The following CYP2A6 variants were observed in gnomAD, a reference collection of about 807,000 sequenced individuals.
CYP2A6 encodes the protein cytochrome P450 2A6.
Under a neutral mutation model 42.3 loss-of-function variants are expected in CYP2A6, and 27 were observed. The observed-to-expected ratio is 0.64, with a 90% CI of 0.47 to 0.88. The LOEUF (loss-of-function observed/expected upper bound fraction) is 0.88. CYP2A6 is among the 40% of genes least tolerant of loss of function. CYP2A6 has a pLI of 0.00. For missense variants in CYP2A6, 628 were observed against 646.0 expected (o/e 0.97, Z 0.30); for synonymous variants, 238 against 246.3 (o/e 0.97, Z 0.31).
chr19:40,850,176 C>A, intron 1 of CYP2A6, 71 bp downstream of exon 1: 1 of 1,569,254 alleles, frequency 6.4e-7, no homozygotes, highest in Non-Finnish European at 8.6e-7. Context: ...ACTGGTCAAC[C>A]CCCTGCCACA....
chr19:40,848,615 G>A lies in CYP2A6; in HGVS notation c.492C>T (p.Gly164=). 6.2e-7 allele frequency: 1 copy of A among 1,611,064 alleles called. No homozygotes were observed. Among genetic ancestry groups the A allele is most frequent in the Non-Finnish European group, 8.5e-7 (1 of 1,179,388 alleles). Residue 164 remains glycine (G), a splice_region_variant and synonymous_variant, in exon 3 of 9, where the codon GGC becomes GGT. Coordinates refer to ENST00000301141, the MANE Select transcript of CYP2A6 (RefSeq NM_000762.6). The part of the protein sequence containing the change: ...GFLIDALRGT[G]GANIDPTFFL... ...CCGCACTCGGGGTCCCCTGCTCACC[G>A]CCAGTGCCCCGGAGGGCGTCGATGA...
intron 7 of CYP2A6, chr19:40,845,022 CA>C: frequency 1.5e-6 from 1 of 653,420 alleles, no homozygotes; most frequent in Non-Finnish European, 2.6e-6. Flanking sequence ...GTCCCTATGA[CA>C]AAAGGCCGAA....
At chr19:40,848,538 C>G in intron 3 of CYP2A6, 76 bp downstream of exon 3, 1 of 1,591,334 alleles carries the variant, frequency 6.3e-7, no homozygotes, top group Non-Finnish European at 8.6e-7. Flanking sequence ...TCCCCATCCC[C>G]AGGCAGAACG....
rs72549441 is a variant in CYP2A6, at chr19:40,847,112, G to A, written c.655-61C>T. 8.5e-4 allele frequency: 1,342 copies of A among 1,574,916 alleles called. 28 individuals are homozygous for A. In the African/African-American group the frequency reaches 0.015, roughly 18 times the overall value. On this transcript the variant is annotated intron_variant, in intron 4 of 8. Coordinates refer to ENST00000301141, the MANE Select transcript of CYP2A6 (RefSeq NM_000762.6). ...AGCTGTCACGGGGCAGGAGCTGATG[G>A]GAATGGGATTTGTTTCATAGCAAGG...
chr19:40,846,773 AG>A, intron 5 of CYP2A6, 101 bp downstream of exon 5: 6 of 1,488,084 alleles, frequency 4.0e-6, no homozygotes, highest in Non-Finnish European at 5.4e-6. Flanking sequence ...TATTATGATG[AG>A]GGTTAATTTG....
chr19:40,850,303 A>G lies in CYP2A6; in HGVS notation c.124T>C (p.Phe42Leu). The stretch of plus-strand genomic sequence containing the variant: ...TTCAGCTGCAGGTAGTTTCCAATGA[A>G]GGGCAATGGGGTGGGTCCCGGAGGC... ...KLPPGPTPLPFIGNYLQLNTE... is the reference protein window; with the variant it reads ...KLPPGPTPLPLIGNYLQLNTE... Residue 42 changes from phenylalanine to leucine, a missense_variant, in exon 1 of 9, where the codon TTC becomes CTC. By Grantham distance (22) the Phe-to-Leu change is conservative. This residue lies in a region of CYP2A6 where 606 missense variants were observed against 568.1 expected (regional missense o/e 1.07). Coordinates refer to ENST00000301141, the MANE Select transcript of CYP2A6 (RefSeq NM_000762.6). 6.2e-7 allele frequency: 1 copy of G among 1,610,098 alleles called. No homozygotes were observed. The highest frequency in any genetic ancestry group is 1.1e-5 in the South Asian group (1 of 90,788).
intron 5 of CYP2A6, among the ~76,000 whole-genome samples, chr19:40,846,467 C>T (rs539876412): frequency 6.6e-5 from 10 of 151,380 alleles, no homozygotes; most frequent in South Asian, 2.1e-4. Context: ...ACTGCACATG[C>T]GCATGACCAT....
chr19:40,850,167 C>G, intron 1 of CYP2A6, 80 bp downstream of exon 1: 1 of 1,561,084 alleles, frequency 6.4e-7, no homozygotes, highest in Non-Finnish European at 8.7e-7. Context: ...CTGGTCCACA[C>G]TGGTCAACCC....
intron 2 of CYP2A6, among the ~76,000 whole-genome samples, 177 bp from the exon 3 acceptor site, chr19:40,848,940 TAGAGAGAGAGAG>T (rs67032351): frequency 8.5e-4 from 56 of 66,158 alleles, no homozygotes; most frequent in African/African-American, 2.0e-3. Context: ...GATGTCGAGG[TAGAGAGAGAGAG>T]AGAGAGAGAG....
intron 8 of CYP2A6, 65 bp downstream of exon 8, chr19:40,844,566 G>C: frequency 6.2e-7 from 1 of 1,609,592 alleles, no homozygotes. Flanking sequence ...GCAGAGAGGG[G>C]AGGAGGGTGA....
Position 40,848,209 on chromosome 19 carries a change from AGCCAGTTACCT to A in CYP2A6, c.653_654+9del. 1 of 1,611,340 alleles carries A rather than the reference AGCCAGTTACCT, an allele frequency of 6.2e-7. No homozygotes were observed. On this transcript the variant is annotated splice_donor_variant and splice_donor_5th_base_variant and coding_sequence_variant and intron_variant, in exon 4 of 9. Coordinates refer to ENST00000301141, the MANE Select transcript of CYP2A6 (RefSeq NM_000762.6). LOFTEE classifies it high-confidence loss of function. ...GTAGGGGCGTCACGGGCCGGGCTGC[AGCCAGTTACCT>A]GCCCCGTGGAGGTTGACGTGAACTG...
intron 3 of CYP2A6, 88 bp downstream of exon 3, chr19:40,848,526 A>C (rs1599779560): frequency 1.3e-6 from 2 of 1,587,086 alleles, no homozygotes; most frequent in Non-Finnish European, 1.7e-6. Flanking sequence ...TTCCCCACCT[A>C]GTCCCCATCC....
chr19:40,850,210 C>T (rs1469979866), intron 1 of CYP2A6, 37 bp downstream of exon 1: 7 of 1,591,264 alleles, frequency 4.4e-6, no homozygotes, highest in East Asian at 4.6e-5. Flanking sequence ...CTAGGCAGCC[C>T]CCACCCCGTG....
At position 40,848,285 on chromosome 19, in the gene CYP2A6, T is replaced by G. The variant is rs1198167320; in HGVS notation, c.588A>C (p.Lys196Asn). The G allele has an allele frequency of 3.7e-6, 6 of 1,609,898 alleles. No homozygotes were observed. Among genetic ancestry groups the G allele is most frequent in the Admixed American group, 3.3e-5 (2 of 59,900 alleles). Residue 196 changes from lysine (K) to asparagine (N), a missense_variant, in exon 4 of 9, where the codon AAA becomes AAC. Physicochemically the swap from Lys to Asn is moderately conservative, Grantham distance 94. Around this residue, in one of 2 missense-constraint regions of CYP2A6, gnomAD observed 606 missense variants for 568.1 expected, o/e 1.07. Transcript: ENST00000301141. Reference sequence around the variant, plus strand: ...TCATGCGCAACAGTGACAGGAACTCTTTGTCCTTATAGTCAAAGCGGTCCC... The same window carrying G: ...TCATGCGCAACAGTGACAGGAACTCGTTGTCCTTATAGTCAAAGCGGTCCC... ...VFGDRFDYKD[K>N]EFLSLLRMML... is the part of the protein sequence containing the mutation.
rs750403699 is a variant in CYP2A6 at position 40,846,919 on chromosome 19, A to C, written c.787T>G (p.Ser263Ala). Reference sequence around the variant, plus strand: ...AAGGAGTCAATGAAGTCCCGTGGGGAATTGGGATCCAGCGTGCGCTGGTTG... The same window carrying C: ...AAGGAGTCAATGAAGTCCCGTGGGGCATTGGGATCCAGCGTGCGCTGGTTG... ...EHNQRTLDPN[S>A]PRDFIDSFLI... The change falls in exon 5 of 9, where the codon TCC becomes GCC. Residue 263 changes from serine to alanine, a missense_variant. Coordinates refer to ENST00000301141, the MANE Select transcript of CYP2A6 (RefSeq NM_000762.6). The C allele has an allele frequency of 6.2e-7, 1 of 1,611,886 alleles. No individual in the cohort carries two copies. Among genetic ancestry groups the C allele is most frequent in the Non-Finnish European group, 8.5e-7 (1 of 1,179,914 alleles).
chr19:40,845,204 G>T (rs2083449742), intron 7 of CYP2A6, 90 bp downstream of exon 7: 1 of 1,536,338 alleles, frequency 6.5e-7, no homozygotes, highest in African/African-American at 1.4e-5. Flanking sequence ...GTGGGACAGG[G>T]TCTAGAAAGC....
intron 5 of CYP2A6, 78 bp from the exon 6 acceptor site, chr19:40,846,175 A>G: frequency 3.2e-6 from 5 of 1,572,528 alleles, no homozygotes; most frequent in South Asian, 2.3e-5. Context: ...CTTTGGATCT[A>G]CCTCTCTTTG....
rs1286643557 is a variant in CYP2A6 at position 40,849,043 on chromosome 19, GAGGAGAGA to G, written c.344-288_344-281del. 1.4e-3 allele frequency among the ~76,000 whole-genome samples: 45 copies of G among 32,036 alleles called. 4 individuals carry two copies. Among genetic ancestry groups the G allele is most frequent in the East Asian group, 0.014 (11 of 812 alleles). 21.0% of individuals were successfully genotyped at this position (32,036 alleles called of 152,430 possible). On this transcript the variant is annotated intron_variant, in intron 2 of 8. Coordinates refer to ENST00000301141, the MANE Select transcript of CYP2A6 (RefSeq NM_000762.6). ...AGAGGAGAGAGAGAGAGAAGAGAGAGAGGAGAGAGAGAGAGAGAGAGAGAGAGAGAGAG... is the reference window on the plus strand; with the variant it reads ...AGAGGAGAGAGAGAGAGAAGAGAGAGGAGAGAGAGAGAGAGAGAGAGAGAG...
chr19:40,846,850 C>G (rs772402424), intron 5 of CYP2A6, 25 bp downstream of exon 5: 12 of 1,609,664 alleles, frequency 7.5e-6, no homozygotes, highest in Non-Finnish European at 7.6e-6. Flanking sequence ...CTTTGCATCT[C>G]CCCGCAGTGG....
Sources: gnomAD v4.1 joint callset for allele counts (sites outside exome capture counted in the v4.1 genomes callset) on GRCh38, gnomAD v4.1.1 for gene constraint, gnomAD v4.1.1 regional missense constraint, MANE v1.5 for transcripts, NCBI Gene and HGNC (gene_info 2026-07-23, HGNC 2026-07-21) for gene names.